Variants in STIM1 observed in about 807,000 individuals in gnomAD.
STIM1 encodes the protein stromal interaction molecule 1.
In STIM1, 25 loss-of-function variants were observed where a neutral mutation model predicts 74.7. That is an observed-to-expected ratio of 0.33 (90% CI 0.24 to 0.47). The LOEUF is 0.47. Among genes scored for constraint, STIM1 ranks in the 20% least tolerant of loss-of-function variants. STIM1 has a pLI of 1.00. For synonymous variants in STIM1, 328 were observed against 348.8 expected (o/e 0.94, Z 0.66); for missense variants, 728 against 920.8 (o/e 0.79, Z 2.71).
At chr11:4,018,063 C>T (rs999316872) in intron 2 of STIM1, among the ~76,000 whole-genome samples, 2 of 152,200 alleles carry the variant, frequency 1.3e-5, no homozygotes, top group Admixed American at 1.3e-4. Flanking sequence ...GCCTATAATC[C>T]CAGCACTTTG....
intron 1 of STIM1, among the ~76,000 whole-genome samples, chr11:3,871,308 CT>C (rs2091087608): frequency 6.6e-6 from 1 of 152,148 alleles, no homozygotes; most frequent in African/African-American, 2.4e-5. Flanking sequence ...TTCCTCTAGA[CT>C]AGGGTAAGTC....
At chr11:4,074,900 A>G (rs985814993) in intron 7 of STIM1, among the ~76,000 whole-genome samples, 1 of 152,206 alleles carries the variant, frequency 6.6e-6, no homozygotes, top group African/African-American at 2.4e-5. Flanking sequence ...GCACTTTGGG[A>G]GGCCAAGGCA....
chr11:3,962,294 T>G (rs2093294945), intron 1 of STIM1, among the ~76,000 whole-genome samples: 1 of 152,194 alleles, frequency 6.6e-6, no homozygotes, highest in Non-Finnish European at 1.5e-5. Context: ...CATGTCCCCC[T>G]ATACACATTG....
At chr11:4,016,120 A>C (rs908719454) in intron 2 of STIM1, among the ~76,000 whole-genome samples, 1 of 152,132 alleles carries the variant, frequency 6.6e-6, no homozygotes. Context: ...GGAGGAGAAG[A>C]GGCGTTCCAG....
At chr11:3,983,136 G>T (rs984484839) in intron 2 of STIM1, among the ~76,000 whole-genome samples, 1 of 152,140 alleles carries the variant, frequency 6.6e-6, no homozygotes, top group Non-Finnish European at 1.5e-5. Context: ...GTTTCTCTGT[G>T]TTGGCCAGGC....
intron 2 of STIM1, among the ~76,000 whole-genome samples, chr11:3,993,512 C>T (rs934754252): frequency 1.1e-4 from 17 of 152,012 alleles, no homozygotes; most frequent in African/African-American, 7.3e-5. Context: ...CAAAATTAGC[C>T]GGGCGTGGTG....
At chr11:3,879,469 C>T (rs1397196235) in intron 1 of STIM1, among the ~76,000 whole-genome samples, 1 of 152,204 alleles carries the variant, frequency 6.6e-6, no homozygotes, top group Admixed American at 6.5e-5. Context: ...AATCTTCTCC[C>T]CAGCCAACTG....
intron 1 of STIM1, among the ~76,000 whole-genome samples, chr11:3,865,768 T>TA (rs572276852): frequency 2.2e-4 from 34 of 152,280 alleles, no homozygotes; most frequent in South Asian, 8.3e-4. Flanking sequence ...ACAGGCAGGG[T>TA]AAATGTATTA....
intron 1 of STIM1, among the ~76,000 whole-genome samples, chr11:3,912,225 C>G (rs796897015): frequency 8.5e-6 from 1 of 117,916 alleles, no homozygotes; most frequent in African/African-American, 3.2e-5. Context: ...CTCCCTTCTC[C>G]CCTCCCCTCC....
rs147605117 is a variant in STIM1, at chr11:4,042,686, C to G, written c.386-12840C>G. 8.5e-4 allele frequency among the ~76,000 whole-genome samples: 129 copies of G among 152,322 alleles called. No individual in the cohort carries two copies. In the East Asian group the frequency reaches 0.023, roughly 27 times the overall value. ...TCTTGGACTCCAGACAAACTAGAGT[C>G]AGTGTTCTCTGAGCATGCTTCACAT... On this transcript the variant is annotated intron_variant, in intron 3 of 12. Coordinates refer to ENST00000526596, the MANE Select transcript of STIM1 (RefSeq NM_001382567.1).
chr11:3,858,247 G>GT (rs372423825), intron 1 of STIM1, among the ~76,000 whole-genome samples: 9,975 of 119,442 alleles, frequency 0.084, 420 homozygotes, highest in Middle Eastern at 0.19. Flanking sequence ...TTTTTTTTTT[G>GT]TTTTTTGTTT....
At chr11:3,883,695 T>C (rs917829662) in intron 1 of STIM1, among the ~76,000 whole-genome samples, 1 of 152,250 alleles carries the variant, frequency 6.6e-6, no homozygotes, top group Non-Finnish European at 1.5e-5. Flanking sequence ...CACTAAGTTA[T>C]ATTTTCTAGA....
At chr11:3,968,473 T>C (rs975936294) in intron 2 of STIM1, among the ~76,000 whole-genome samples, 2 of 152,210 alleles carry the variant, frequency 1.3e-5, no homozygotes, top group Admixed American at 6.5e-5. Context: ...TTGAGTTCAA[T>C]TTTGGATCCC....
At chr11:3,982,896 G>T (rs1417845750) in intron 2 of STIM1, among the ~76,000 whole-genome samples, 1 of 152,084 alleles carries the variant, frequency 6.6e-6, no homozygotes, top group Non-Finnish European at 1.5e-5. Flanking sequence ...CTGTAGAAAA[G>T]CACTTTGAAA....
At chr11:4,005,748 T>G (rs2093773358) in intron 2 of STIM1, among the ~76,000 whole-genome samples, 1 of 151,188 alleles carries the variant, frequency 6.6e-6, no homozygotes. Flanking sequence ...TAAAAAAGAT[T>G]ATTCTAGTGT....
chr11:3,943,220 A>G (rs1249387996), intron 1 of STIM1, among the ~76,000 whole-genome samples: 3 of 152,196 alleles, frequency 2.0e-5, no homozygotes, highest in African/African-American at 7.2e-5. Flanking sequence ...GGAAAGAATT[A>G]GTCAACTTGC....
Position 3,971,341 on chromosome 11 carries a change from A to T in STIM1, c.270+3659A>T, listed in dbSNP as rs184091429. On this transcript the variant is annotated intron_variant, in intron 2 of 12. Transcript: ENST00000526596. ...TCAGGAGATTGAGACCATCCTGGCT[A>T]ACACGGTGAAACCCCGTCTCTACTA... Among the ~76,000 whole-genome samples the T allele has an allele frequency of 9.9e-4, 151 of 152,238 alleles. 2 individuals carry two copies. The highest frequency in any genetic ancestry group is 3.5e-3 in the African/African-American group (144 of 41,544).
At chr11:3,909,859 A>G (rs947067307) in intron 1 of STIM1, among the ~76,000 whole-genome samples, 1 of 152,120 alleles carries the variant, frequency 6.6e-6, no homozygotes, top group African/African-American at 2.4e-5. Context: ...TATGTAAAGA[A>G]GAGTGAATAA....
chr11:3,923,795 CA>C (rs2135532729), intron 1 of STIM1, among the ~76,000 whole-genome samples: 1 of 152,024 alleles, frequency 6.6e-6, no homozygotes, highest in East Asian at 1.9e-4. Flanking sequence ...TTAAGTTTAT[CA>C]GGTTGTTGTT....
Sources: gnomAD v4.1 joint callset for allele counts (sites outside exome capture counted in the v4.1 genomes callset) on GRCh38, gnomAD v4.1.1 for gene constraint, MANE v1.5 for transcripts, NCBI Gene and HGNC (gene_info 2026-07-23, HGNC 2026-07-21) for gene names.